Variants in UNC5C observed in about 807,000 individuals in gnomAD.
UNC5C encodes the protein unc-5 netrin receptor C.
In UNC5C, 47 loss-of-function variants were observed where a neutral mutation model predicts 99.8. The observed-to-expected ratio is 0.47, with a 90% CI of 0.37 to 0.60. The LOEUF (loss-of-function observed/expected upper bound fraction) is 0.60. Among genes scored for constraint, UNC5C ranks in the 20% least tolerant of loss-of-function variants. UNC5C has a pLI of 0.00. For missense variants in UNC5C, 1,062 were observed against 1,165.9 expected (o/e 0.91, Z 1.30); for synonymous variants, 487 against 452.2 (o/e 1.08, Z -0.98).
intron 1 of UNC5C, among the ~76,000 whole-genome samples, chr4:95,466,899 A>G (rs754920508): frequency 6.6e-6 from 1 of 152,142 alleles, no homozygotes; most frequent in Non-Finnish European, 1.5e-5. Flanking sequence ...GCCTGGATCT[A>G]GTGACTCACT....
At chr4:95,520,035 T>C (rs1235837957) in intron 1 of UNC5C, among the ~76,000 whole-genome samples, 1 of 152,118 alleles carries the variant, frequency 6.6e-6, no homozygotes, top group Non-Finnish European at 1.5e-5. Flanking sequence ...TAAGAGGAAG[T>C]AGGTAGGAAT....
intron 3 of UNC5C, among the ~76,000 whole-genome samples, chr4:95,299,165 G>A (rs1040851224): frequency 6.6e-6 from 1 of 152,110 alleles, no homozygotes; most frequent in African/African-American, 2.4e-5. Flanking sequence ...AGCTGTTAGG[G>A]TGGGCCCCAA....
At chr4:95,400,827 C>G (rs938970182) in intron 1 of UNC5C, among the ~76,000 whole-genome samples, 3 of 152,144 alleles carry the variant, frequency 2.0e-5, no homozygotes, top group African/African-American at 7.2e-5. Flanking sequence ...CCTGTGAGAC[C>G]CAGGTAAGCC....
chr4:95,321,450 G>A (rs752293238), intron 2 of UNC5C, among the ~76,000 whole-genome samples: 9 of 152,136 alleles, frequency 5.9e-5, no homozygotes, highest in Admixed American at 2.0e-4. Context: ...ATTCATCTGC[G>A]TGATATAATA....
chr4:95,298,862 C>A (rs991157154), intron 3 of UNC5C, among the ~76,000 whole-genome samples: 2 of 151,916 alleles, frequency 1.3e-5, no homozygotes, highest in South Asian at 4.1e-4. Context: ...CAAACATATA[C>A]ATATATATGT....
chr4:95,335,835 C>G (rs567692579), intron 1 of UNC5C, among the ~76,000 whole-genome samples: 3 of 151,824 alleles, frequency 2.0e-5, no homozygotes, highest in Non-Finnish European at 4.4e-5. Context: ...CAGCAAAACT[C>G]AACATCAGGG....
intron 2 of UNC5C, among the ~76,000 whole-genome samples, chr4:95,312,188 T>C (rs946540730): frequency 6.6e-6 from 1 of 152,170 alleles, no homozygotes; most frequent in African/African-American, 2.4e-5. Context: ...TAAGCACATA[T>C]TTCATTCATT....
intron 1 of UNC5C, among the ~76,000 whole-genome samples, chr4:95,394,779 A>G (rs1417676141): frequency 1.3e-5 from 2 of 152,084 alleles, no homozygotes; most frequent in East Asian, 3.9e-4. Context: ...GTAAAATGCA[A>G]TTCAGCAGCA....
At chr4:95,208,324 C>G (rs1004056047) in intron 10 of UNC5C, among the ~76,000 whole-genome samples, 3 of 152,082 alleles carry the variant, frequency 2.0e-5, no homozygotes, top group African/African-American at 7.2e-5. Flanking sequence ...CAGTGAAGCT[C>G]CAAGGAAGTT....
intron 1 of UNC5C, among the ~76,000 whole-genome samples, chr4:95,376,164 CTATA>C (rs780489525): frequency 1.2e-4 from 18 of 151,988 alleles, no homozygotes; most frequent in African/African-American, 2.7e-4. Context: ...CTGTTCCTTT[CTATA>C]TATACTTACA....
At chr4:95,460,490 T>A (rs1276844340) in intron 1 of UNC5C, among the ~76,000 whole-genome samples, 1 of 152,052 alleles carries the variant, frequency 6.6e-6, no homozygotes, top group Non-Finnish European at 1.5e-5. Flanking sequence ...GGGGGCGGTT[T>A]CCCCCATACT....
intron 1 of UNC5C, among the ~76,000 whole-genome samples, chr4:95,351,099 C>G (rs545803847): frequency 9.5e-4 from 144 of 152,236 alleles, no homozygotes; most frequent in African/African-American, 3.3e-3. Flanking sequence ...TCTCATAACT[C>G]TTACACATTT....
At chr4:95,460,879 TA>T (rs1461621843) in intron 1 of UNC5C, among the ~76,000 whole-genome samples, 1 of 152,196 alleles carries the variant, frequency 6.6e-6, no homozygotes, top group East Asian at 1.9e-4. Context: ...ACAGAGTTTG[TA>T]TATCAGGAGG....
intron 1 of UNC5C, among the ~76,000 whole-genome samples, chr4:95,400,442 G>T: frequency 7.8e-6 from 1 of 128,520 alleles, no homozygotes. Flanking sequence ...CACCCAGGCT[G>T]AGTGCAGTGG....
chr4:95,535,826 A>T (rs1722758410), intron 1 of UNC5C, among the ~76,000 whole-genome samples: 1 of 152,072 alleles, frequency 6.6e-6, no homozygotes, highest in Admixed American at 6.5e-5. Flanking sequence ...GCACACATAC[A>T]TACAAATATA....
At chr4:95,482,228 C>T (rs1345326996) in intron 1 of UNC5C, among the ~76,000 whole-genome samples, 1 of 151,324 alleles carries the variant, frequency 6.6e-6, no homozygotes, top group Non-Finnish European at 1.5e-5. Context: ...CAAAAGAAGA[C>T]ATTTATGCAG....
chr4:95,185,031 G>T lies in UNC5C; in HGVS notation c.2286+16C>A, dbSNP rs558811929. ...AGAGATGTCTCCAGACCTTTTGTTCGGCTTGGGAACCTTACCTGATATTTA... is the reference window on the plus strand; with the variant it reads ...AGAGATGTCTCCAGACCTTTTGTTCTGCTTGGGAACCTTACCTGATATTTA... On this transcript the variant is annotated intron_variant, in intron 13 of 15. Coordinates refer to ENST00000453304, the MANE Select transcript of UNC5C (RefSeq NM_003728.4). 2 of 1,601,310 alleles carry T rather than the reference G, an allele frequency of 1.2e-6. No individual in the cohort carries two copies. Among genetic ancestry groups the T allele is most frequent in the Non-Finnish European group, 1.7e-6 (2 of 1,175,896 alleles).
chr4:95,427,337 C>G (rs113203350), intron 1 of UNC5C, among the ~76,000 whole-genome samples: 4,415 of 152,210 alleles, frequency 0.029, 228 homozygotes, highest in African/African-American at 0.1. Flanking sequence ...AAAGCAGCAG[C>G]AGAGTATGAG....
At chr4:95,396,756 T>A (rs1745522330) in intron 1 of UNC5C, among the ~76,000 whole-genome samples, 1 of 152,194 alleles carries the variant, frequency 6.6e-6, no homozygotes, top group South Asian at 2.1e-4. Flanking sequence ...ATTACTGAAT[T>A]ACTGAATCTA....
Sources: gnomAD v4.1 joint callset for allele counts (sites outside exome capture counted in the v4.1 genomes callset) on GRCh38, gnomAD v4.1.1 for gene constraint, MANE v1.5 for transcripts, NCBI Gene and HGNC (gene_info 2026-07-23, HGNC 2026-07-21) for gene names.